The following KLHL25 variants were observed in gnomAD, a reference collection of about 807,000 sequenced individuals.
KLHL25 encodes kelch like family member 25, also known as kelch-like protein 25.
Under a neutral mutation model 30.0 loss-of-function variants are expected in KLHL25, and 41 were observed. That is an observed-to-expected ratio of 1.37 (90% CI 1.07 to 1.78). The LOEUF (loss-of-function observed/expected upper bound fraction) is 1.78, where lower values mean the gene tolerates loss of function less well. KLHL25 is among the 40% of genes most tolerant of loss of function. The pLI is 0.00. For missense variants in KLHL25, 971 were observed against 824.5 expected, an observed-to-expected ratio of 1.18 and a Z score of -2.18; for synonymous variants, 399 against 355.3, an observed-to-expected ratio of 1.12 and a Z score of -1.38.
At position 85,768,909 on chromosome 15, in the gene KLHL25, C is replaced by T. The variant is rs765088495; in HGVS notation, c.902G>A (p.Gly301Glu). Reference protein sequence around the residue: ...RKAGHTLLILGGQTFMCDKIY... With the variant: ...RKAGHTLLILEGQTFMCDKIY... ...CTTGTCACACATGAAGGTCTGGCCC[C>T]CCAGGATGAGTAGCGTGTGGCCCGC... is the stretch of plus-strand genomic sequence containing the variant. Residue 301 changes from glycine (G) to glutamate (E), a missense_variant, in exon 2 of 3, where the codon GGG becomes GAG. By Grantham distance (98) the Gly-to-Glu change is moderately conservative. Coordinates refer to ENST00000337975, the MANE Select transcript of KLHL25 (RefSeq NM_022480.4). 3 of 1,613,336 alleles carry T rather than the reference C, an allele frequency of 1.9e-6. No homozygotes were observed.
In KLHL25 at chr15:85,768,332, C is replaced by A. The variant is rs2089638658; in HGVS notation, c.1479G>T (p.Gln493His). 1 of 1,613,914 alleles carries A rather than the reference C, an allele frequency of 6.2e-7. No individual in the cohort carries two copies. The highest frequency in any genetic ancestry group is 2.2e-5 in the East Asian group (1 of 44,876). ...RYTAAAVLGS[Q>H]IFIMGGDTEF... ...CCGTGTCACCTCCCATGATGAAGATCTGGCTGCCCAGGACGGCAGCGGCTG... is the reference window on the plus strand; with the variant it reads ...CCGTGTCACCTCCCATGATGAAGATATGGCTGCCCAGGACGGCAGCGGCTG... The change falls in exon 2 of 3, where the codon CAG becomes CAT. Residue 493 changes from glutamine (Q) to histidine (H), a missense_variant. Coordinates refer to ENST00000337975, the MANE Select transcript of KLHL25 (RefSeq NM_022480.4).
At chr15:85,763,084 G>C (rs1466336953) in intron 2 of KLHL25, 1 of 152,352 alleles carries the variant, frequency 6.6e-6, no homozygotes, top group Non-Finnish European at 1.5e-5. Context: ...TAAAGGGCCT[G>C]GAGTACGGGG....
rs1297986452 is a variant in KLHL25 at position 85,789,962 on chromosome 15, T to G, written c.-11+4804A>C. On this transcript the variant is annotated intron_variant, in intron 1 of 2. Coordinates refer to ENST00000337975, the MANE Select transcript of KLHL25 (RefSeq NM_022480.4). The surrounding 1 kb of genome is among the most constrained non-coding windows in gnomAD (Gnocchi z 4.1). ...AATCTGAATCGAGTCTTCAGGAAAC[T>G]AGGAGCTTGCCTACGTCACCCCTCT... is the stretch of plus-strand genomic sequence containing the variant. Among the ~76,000 whole-genome samples the G allele has an allele frequency of 6.6e-6, 1 of 152,132 alleles. No homozygotes were observed. Among genetic ancestry groups the G allele is most frequent in the Non-Finnish European group, 1.5e-5 (1 of 68,012 alleles).
intron 1 of KLHL25, 79 bp from the exon 2 acceptor site, chr15:85,769,899 G>T (rs941958436): frequency 3.2e-5 from 39 of 1,207,648 alleles, no homozygotes; most frequent in Middle Eastern, 5.1e-4. Flanking sequence ...TTCAGCACAA[G>T]CCCCCTTGTC....
chr15:85,789,976 C>A lies in KLHL25; in HGVS notation c.-11+4790G>T, dbSNP rs959199466. Among the ~76,000 whole-genome samples, 2 of 152,188 alleles carry A rather than the reference C, an allele frequency of 1.3e-5. No homozygotes were observed. The highest frequency in any genetic ancestry group is 1.3e-4 in the Admixed American group (2 of 15,274). On this transcript the variant is annotated intron_variant, in intron 1 of 2. Transcript: ENST00000337975. The surrounding 1 kb of genome is among the most constrained non-coding windows in gnomAD (Gnocchi z 4.1). ...CTTCAGGAAACTAGGAGCTTGCCTA[C>A]GTCACCCCTCTCACTCTACAGGTGA...
chr15:85,769,083 G>A lies in KLHL25; in HGVS notation c.728C>T (p.Ser243Phe), dbSNP rs1409248664. 3 of 1,606,726 alleles carry A rather than the reference G, an allele frequency of 1.9e-6. No individual in the cohort carries two copies. The East Asian group carries it at 6.7e-5, about 36-fold the overall frequency. The change falls in exon 2 of 3, where the codon TCC (serine) becomes TTC (phenylalanine). Residue 243 changes from serine to phenylalanine, a missense_variant. Transcript: ENST00000337975. ...GGAGACGGCCTCCTGCAGGCAGTCG[G>A]ACGGCAGCAAGGCCAGACGCACGCT... ...LRSVRLALLP[S>F]DCLQEAVSSE...
At chr15:85,766,244 C>T (rs145966043) in intron 2 of KLHL25, among the ~76,000 whole-genome samples, 2 of 152,334 alleles carry the variant, frequency 1.3e-5, no homozygotes, top group East Asian at 1.9e-4. Flanking sequence ...GGGCTCCCTC[C>T]GGCAGGACAG....
intron 1 of KLHL25, among the ~76,000 whole-genome samples, chr15:85,785,657 C>G (rs1028852588): frequency 6.6e-6 from 1 of 152,052 alleles, no homozygotes; most frequent in Non-Finnish European, 1.5e-5. Context: ...TGTCCACATG[C>G]AAACGTGTCT....
chr15:85,770,040 T>C (rs1453206912), intron 1 of KLHL25, among the ~76,000 whole-genome samples: 1 of 152,182 alleles, frequency 6.6e-6, no homozygotes, highest in African/African-American at 2.4e-5. Context: ...GTTCTCAGGG[T>C]ATGAGCCAGC....
At chr15:85,776,392 G>A (rs566601235) in intron 1 of KLHL25, among the ~76,000 whole-genome samples, 1 of 149,890 alleles carries the variant, frequency 6.7e-6, no homozygotes, top group East Asian at 2.0e-4. Context: ...GGGAGGCTGA[G>A]GCAGGAGAAC....
At position 85,760,416 on chromosome 15, in the gene KLHL25, G is replaced by C. The variant is rs996215316; in HGVS notation, c.*620C>G. ...GGTGGGCTGGGACTTACAGCTTTGT[G>C]GAAGGGGCCCACAAACCTTGGAGGT... On this transcript the variant is annotated 3_prime_UTR_variant, in exon 3 of 3. Transcript: ENST00000337975. 6.6e-6 allele frequency: 1 copy of C among 152,262 alleles called. No homozygotes were observed. Among genetic ancestry groups the C allele is most frequent in the African/African-American group, 2.4e-5 (1 of 41,458 alleles). The allele number at this position is 152,262 out of a possible 1,614,324, so 9.4% of individuals were successfully genotyped here. A position where few individuals can be genotyped will look rare whatever the true frequency, so the allele number is the denominator to read the frequency against.
In KLHL25 at chr15:85,769,042, T is replaced by A. The variant is rs36031133; in HGVS notation, c.769A>T (p.Met257Leu). Residue 257 changes from methionine to leucine, a missense_variant, in exon 2 of 3, where the codon ATG becomes TTG. By Grantham distance (15) the Met-to-Leu change is conservative. Transcript: ENST00000337975. ...ATAAGCTTGGTGCGCTCGTCTGCCA[T>A]GAGGAGGGCCTCGCTGGAGACGGCC... ...QEAVSSEALL[M>L]ADERTKLIMD... The A allele has an allele frequency of 0.019, 29,895 of 1,608,154 alleles. 366 individuals are homozygous for A. The highest frequency in any genetic ancestry group is 0.022 in the Non-Finnish European group (25,615 of 1,177,078).
At chr15:85,771,597 C>A (rs767395938) in intron 1 of KLHL25, among the ~76,000 whole-genome samples, 4 of 152,242 alleles carry the variant, frequency 2.6e-5, no homozygotes, top group Non-Finnish European at 4.4e-5. Context: ...GGCACAGGGC[C>A]AGACTGGCCT....
intron 1 of KLHL25, among the ~76,000 whole-genome samples, chr15:85,775,864 TAAAA>T (rs10535328): frequency 3.9e-4 from 35 of 89,032 alleles, no homozygotes; most frequent in Admixed American, 5.2e-4. Context: ...ATGGCTCGTT[TAAAA>T]AAAAAAAAAA....
intron 1 of KLHL25, among the ~76,000 whole-genome samples, chr15:85,780,217 T>C (rs1377118610): frequency 6.6e-6 from 1 of 151,864 alleles, no homozygotes; most frequent in Non-Finnish European, 1.5e-5. Flanking sequence ...CAGACGGGAG[T>C]AATGCCAATA....
At position 85,768,131 on chromosome 15, in the gene KLHL25, GGGGT is replaced by G. The variant is rs1449377121; in HGVS notation, c.1676_1679del (p.Asp559AlafsTer136). 1 of 1,614,230 alleles carries G rather than the reference GGGGT, an allele frequency of 6.2e-7. No individual in the cohort carries two copies. The highest frequency in any genetic ancestry group is 1.7e-5 in the Admixed American group (1 of 60,028). On this transcript the variant is annotated frameshift_variant, in exon 2 of 3. Transcript: ENST00000337975. LOFTEE classifies it low-confidence loss of function (END_TRUNC). ...TGATGCAGTTCCATGTATCTGAAGT[GGGGT>G]CATAGCAGTCCAGAGTCTTACACCT...
At chr15:85,774,755 C>T (rs1156414927) in intron 1 of KLHL25, among the ~76,000 whole-genome samples, 2 of 152,222 alleles carry the variant, frequency 1.3e-5, no homozygotes, top group Admixed American at 6.5e-5. Context: ...GCTCAGCCTG[C>T]GTAGTACCCA....
At chr15:85,765,291 G>A (rs2089612523) in intron 2 of KLHL25, among the ~76,000 whole-genome samples, 1 of 151,656 alleles carries the variant, frequency 6.6e-6, no homozygotes. Context: ...AGGGAATCAA[G>A]AAATTTGGCA....
At chr15:85,776,801 T>C (rs2089712131) in intron 1 of KLHL25, among the ~76,000 whole-genome samples, 1 of 151,790 alleles carries the variant, frequency 6.6e-6, no homozygotes, top group Admixed American at 6.6e-5. Context: ...GGCGGGTGCC[T>C]ATAGTCCCAG....
Sources: gnomAD v4.1 joint callset for allele counts (sites outside exome capture counted in the v4.1 genomes callset) on GRCh38, gnomAD v4.1.1 for gene constraint, Gnocchi (gnomAD v3.1) non-coding constraint, MANE v1.5 for transcripts, NCBI Gene and HGNC (gene_info 2026-07-23, HGNC 2026-07-21) for gene names.